The following SYT2 variants were observed in gnomAD, a reference collection of about 807,000 sequenced individuals.
The protein encoded by SYT2 is synaptotagmin 2.
Under a neutral mutation model 39.9 loss-of-function variants are expected in SYT2, and 15 were observed. The ratio of observed to expected loss-of-function variants is 0.38; its 90% CI spans 0.25 to 0.58. SYT2 has a LOEUF of 0.58. Ranked by LOEUF, SYT2 falls within the 20% of genes least tolerant of loss-of-function variation. SYT2 has a pLI of 0.70. For missense variants in SYT2, 389 were observed against 530.3 expected, an observed-to-expected ratio of 0.73 and a Z score of 2.62; for synonymous variants, 181 against 204.5, an observed-to-expected ratio of 0.89 and a Z score of 0.98.
intron 1 of SYT2, among the ~76,000 whole-genome samples, chr1:202,678,866 CAG>C (rs759096905): frequency 2.0e-5 from 3 of 152,150 alleles, no homozygotes; most frequent in East Asian, 1.9e-4. Flanking sequence ...CTGCCACGTT[CAG>C]AGTCTCCACC....
intron 1 of SYT2, among the ~76,000 whole-genome samples, chr1:202,663,596 T>A (rs1012120679): frequency 6.6e-6 from 1 of 152,202 alleles, no homozygotes; most frequent in Non-Finnish European, 1.5e-5. Flanking sequence ...AAGGTGAGTA[T>A]AATATGCCTC....
intron 1 of SYT2, among the ~76,000 whole-genome samples, chr1:202,627,783 G>T (rs1428789633): frequency 6.6e-6 from 1 of 152,100 alleles, no homozygotes; most frequent in Non-Finnish European, 1.5e-5. Flanking sequence ...CCTATGTCAG[G>T]CTCCATGCTA....
At chr1:202,640,734 C>CAGAGAGAGAGAGAGAG (rs56979202) in intron 1 of SYT2, among the ~76,000 whole-genome samples, 1 of 90,668 alleles carries the variant, frequency 1.1e-5, no homozygotes, top group Non-Finnish European at 2.4e-5. Flanking sequence ...TCCTAATGGT[C>CAGAGAGAGAGAGAGAG]AGAGAGAGAG....
chr1:202,635,007 G>A (rs973382087), intron 1 of SYT2, among the ~76,000 whole-genome samples: 3 of 152,104 alleles, frequency 2.0e-5, no homozygotes, highest in East Asian at 1.9e-4. Context: ...TGAATTGTGC[G>A]CTTAAATGGG....
chr1:202,647,797 A>G lies in SYT2; in HGVS notation c.-17-42008T>C, dbSNP rs867700413. ...ACTACCACGACCATCACTAGTGCTAAGAGAGACCCTCTCCCTGCTCCTCCT... is the reference window on the plus strand; with the variant it reads ...ACTACCACGACCATCACTAGTGCTAGGAGAGACCCTCTCCCTGCTCCTCCT... On this transcript the variant is annotated intron_variant, in intron 1 of 8. Coordinates refer to ENST00000367268, the MANE Select transcript of SYT2 (RefSeq NM_177402.5). Among the ~76,000 whole-genome samples, 18 of 152,078 alleles carry G rather than the reference A, an allele frequency of 1.2e-4. No individual in the cohort carries two copies. The South Asian group carries it at 2.3e-3, about 19-fold the overall frequency.
intron 1 of SYT2, among the ~76,000 whole-genome samples, chr1:202,677,251 T>G (rs931397754): frequency 1.3e-5 from 2 of 152,218 alleles, no homozygotes; most frequent in African/African-American, 4.8e-5. Context: ...CCATCCCACA[T>G]GTTCTTCTGA....
chr1:202,617,719 T>C (rs1404105485), intron 1 of SYT2, among the ~76,000 whole-genome samples: 11 of 151,980 alleles, frequency 7.2e-5, no homozygotes, highest in African/African-American at 2.7e-4. Context: ...CTTTCCCAGC[T>C]CTCCATTCTC....
intron 1 of SYT2, among the ~76,000 whole-genome samples, chr1:202,616,853 A>C (rs1331977622): frequency 6.6e-6 from 1 of 152,190 alleles, no homozygotes; most frequent in Non-Finnish European, 1.5e-5. Flanking sequence ...CTCTTCTGTC[A>C]GAGTCAAGCC....
chr1:202,640,290 G>A (rs1005948297), intron 1 of SYT2, among the ~76,000 whole-genome samples: 1 of 145,456 alleles, frequency 6.9e-6, no homozygotes, highest in African/African-American at 2.5e-5. Context: ...AGCCAGCAGG[G>A]TCACGGACCA....
intron 1 of SYT2, among the ~76,000 whole-genome samples, chr1:202,697,000 CT>C (rs1203185629): frequency 1.3e-5 from 2 of 152,324 alleles, no homozygotes; most frequent in East Asian, 3.9e-4. Context: ...GACACATGGT[CT>C]CATTCACCTT....
intron 1 of SYT2, among the ~76,000 whole-genome samples, chr1:202,667,466 CGTGTGTGTGTGTGTGT>C (rs35072265): frequency 0.067 from 9,497 of 140,782 alleles, 518 homozygotes; most frequent in Admixed American, 0.17. Flanking sequence ...AGTGACCAGC[CGTGTGTGTGTGTGTGT>C]GTGTGTGTGT....
chr1:202,699,199 A>G (rs1191584988), intron 1 of SYT2, among the ~76,000 whole-genome samples: 1 of 151,154 alleles, frequency 6.6e-6, no homozygotes. Flanking sequence ...TTTTTTTATT[A>G]TTTGTAGAGA....
At chr1:202,675,655 T>C (rs1653346945) in intron 1 of SYT2, among the ~76,000 whole-genome samples, 1 of 152,158 alleles carries the variant, frequency 6.6e-6, no homozygotes, top group Non-Finnish European at 1.5e-5. Flanking sequence ...TCCTCAAGAA[T>C]GGGACATACT....
chr1:202,619,674 T>C (rs989636095), intron 1 of SYT2, among the ~76,000 whole-genome samples: 2 of 152,072 alleles, frequency 1.3e-5, no homozygotes, highest in African/African-American at 4.8e-5. Context: ...GCACCACACT[T>C]TGAAAAAATG....
At chr1:202,683,758 G>A (rs925710772) in intron 1 of SYT2, among the ~76,000 whole-genome samples, 9 of 116,662 alleles carry the variant, frequency 7.7e-5, no homozygotes, top group Non-Finnish European at 1.1e-4. Context: ...AAAAAAAAAA[G>A]AGTGTATACT....
chr1:202,641,931 G>T (rs1377031398), intron 1 of SYT2, among the ~76,000 whole-genome samples: 1 of 152,200 alleles, frequency 6.6e-6, no homozygotes, highest in African/African-American at 2.4e-5. Context: ...GATGACCAAT[G>T]AACAGGCTGA....
At chr1:202,689,045 T>C (rs1653750418) in intron 1 of SYT2, among the ~76,000 whole-genome samples, 1 of 152,082 alleles carries the variant, frequency 6.6e-6, no homozygotes, top group African/African-American at 2.4e-5. Flanking sequence ...AACCCCCTTG[T>C]GGAGCCCGCC....
intron 1 of SYT2, among the ~76,000 whole-genome samples, chr1:202,699,010 C>CTTTTTTTTT (rs5780118): frequency 2.0e-5 from 2 of 97,942 alleles, no homozygotes; most frequent in African/African-American, 3.8e-5. Context: ...ACCAAACTGT[C>CTTTTTTTTT]TTTTTTTTTT....
intron 1 of SYT2, among the ~76,000 whole-genome samples, chr1:202,697,553 G>T (rs1654005610): frequency 6.6e-6 from 1 of 152,260 alleles, no homozygotes; most frequent in Non-Finnish European, 1.5e-5. Flanking sequence ...TAGGGCAATG[G>T]CCAAGACCCA....
Sources: gnomAD v4.1 joint callset for allele counts (sites outside exome capture counted in the v4.1 genomes callset) on GRCh38, gnomAD v4.1.1 for gene constraint, MANE v1.5 for transcripts, NCBI Gene and HGNC (gene_info 2026-07-23, HGNC 2026-07-21) for gene names.